Variants in WDR19 observed in about 807,000 individuals in gnomAD.
WDR19 encodes the protein WD repeat domain 19.
Under a neutral mutation model 180.0 loss-of-function variants are expected in WDR19, and 121 were observed. That is an observed-to-expected ratio of 0.67 (90% CI 0.58 to 0.78). The LOEUF (loss-of-function observed/expected upper bound fraction) is 0.78. Among genes scored for constraint, WDR19 ranks in the 30% least tolerant of loss-of-function variants. The pLI is 0.00. For synonymous variants in WDR19, 497 were observed against 540.7 expected (o/e 0.92, Z 1.12); for missense variants, 1,450 against 1,640.7 (o/e 0.88, Z 2.01).
At chr4:39,207,941 A>G (rs893714523) in intron 9 of WDR19, among the ~76,000 whole-genome samples, 10 of 152,166 alleles carry the variant, frequency 6.6e-5, no homozygotes, top group Non-Finnish European at 8.8e-5. Context: ...AAAATGCAAT[A>G]TATAAGACAA....
At position 39,182,603 on chromosome 4, in the gene WDR19, G is replaced by C. The variant is rs372713157; in HGVS notation, c.6+40G>C. ...AATTCCCGGGGTGGGGCGGGAAAAC[G>C]CGACTACTGGCCCTTGGTCGCTTTT... On this transcript the variant is annotated intron_variant, in intron 1 of 36. Transcript: ENST00000399820. 529 of 1,613,374 alleles carry C rather than the reference G, an allele frequency of 3.3e-4. 4 individuals are homozygous for C. The African/African-American group carries it at 6.2e-3, about 19-fold the overall frequency.
intron 23 of WDR19, among the ~76,000 whole-genome samples, chr4:39,245,112 A>AT (rs542146780): frequency 0.01 from 1,431 of 138,420 alleles, 18 homozygotes; most frequent in African/African-American, 0.032. Flanking sequence ...TAATTTTTGT[A>AT]TTTTTTTTTT....
intron 9 of WDR19, among the ~76,000 whole-genome samples, chr4:39,206,612 G>A (rs1309306914): frequency 6.6e-6 from 1 of 152,160 alleles, no homozygotes; most frequent in African/African-American, 2.4e-5. Flanking sequence ...AGGGAGGAAG[G>A]AACTCAGGAA....
intron 2 of WDR19, 82 bp downstream of exon 2, chr4:39,185,899 G>GTTTTT: frequency 1.3e-6 from 1 of 797,292 alleles, no homozygotes; most frequent in Non-Finnish European, 1.7e-6. Flanking sequence ...TTTTTTTGTT[G>GTTTTT]TTGTTTTTTT....
chr4:39,253,864 A>G, intron 25 of WDR19, 42 bp from the exon 26 acceptor site: 1 of 1,497,318 alleles, frequency 6.7e-7, no homozygotes, highest in Non-Finnish European at 9.0e-7. Context: ...TAAATCACAA[A>G]TTTATATTAA....
At chr4:39,183,215 C>A (rs895133466) in intron 1 of WDR19, among the ~76,000 whole-genome samples, 1 of 148,656 alleles carries the variant, frequency 6.7e-6, no homozygotes, top group African/African-American at 2.5e-5. Flanking sequence ...TCAGAGCAGT[C>A]CCCCCTTGCT....
At chr4:39,279,355 G>A (rs1736229421) in intron 36 of WDR19, among the ~76,000 whole-genome samples, 1 of 152,246 alleles carries the variant, frequency 6.6e-6, no homozygotes, top group Non-Finnish European at 1.5e-5. Context: ...CAACCAGTTG[G>A]ACAGGACAGA....
chr4:39,267,931 C>CA (rs1734971698), intron 29 of WDR19, 64 bp from the exon 30 acceptor site: 1 of 1,461,296 alleles, frequency 6.8e-7, no homozygotes, highest in Non-Finnish European at 9.4e-7. Flanking sequence ...AACTGCAATA[C>CA]AAAAATGTAA....
intron 3 of WDR19, among the ~76,000 whole-genome samples, chr4:39,188,970 T>G (rs1725868125): frequency 1.3e-5 from 2 of 152,074 alleles, no homozygotes; most frequent in African/African-American, 4.8e-5. Flanking sequence ...TTGCTCAGGC[T>G]GGAGTGCAGT....
At chr4:39,256,369 A>G (rs1447997392) in intron 27 of WDR19, among the ~76,000 whole-genome samples, 1 of 152,234 alleles carries the variant, frequency 6.6e-6, no homozygotes, top group Non-Finnish European at 1.5e-5. Flanking sequence ...AAGAAGGGAC[A>G]TCATAAGTGA....
intron 1 of WDR19, among the ~76,000 whole-genome samples, chr4:39,185,275 G>A (rs1725395570): frequency 1.3e-5 from 2 of 152,266 alleles, no homozygotes; most frequent in South Asian, 4.1e-4. Context: ...ACTAATAGAA[G>A]AAAATAATGT....
intron 9 of WDR19, among the ~76,000 whole-genome samples, chr4:39,206,934 A>G (rs925146812): frequency 6.6e-6 from 1 of 152,254 alleles, no homozygotes; most frequent in African/African-American, 2.4e-5. Context: ...TAGATTAGAC[A>G]CAATCTCATA....
intron 24 of WDR19, among the ~76,000 whole-genome samples, chr4:39,246,422 A>G (rs1269346064): frequency 1.3e-5 from 2 of 152,216 alleles, no homozygotes; most frequent in African/African-American, 4.8e-5. Flanking sequence ...AGCGCCCAGC[A>G]TGAGCGACGC....
intron 30 of WDR19, 102 bp from the exon 31 acceptor site, chr4:39,269,874 C>G (rs1735171496): frequency 7.1e-7 from 1 of 1,416,934 alleles, no homozygotes; most frequent in African/African-American, 1.4e-5. Flanking sequence ...TAAGAGATTA[C>G]TAATAACAAG....
chr4:39,233,290 G>A (rs1731064353), intron 19 of WDR19, among the ~76,000 whole-genome samples: 2 of 152,152 alleles, frequency 1.3e-5, no homozygotes, highest in Non-Finnish European at 2.9e-5. Flanking sequence ...AGGGAAGAAG[G>A]GAAACCTGGC....
chr4:39,250,688 T>A lies in WDR19; in HGVS notation c.2730-2458T>A, dbSNP rs566106832. On this transcript the variant is annotated intron_variant, in intron 24 of 36. Transcript: ENST00000399820. Reference sequence around the variant, plus strand: ...AGGATACAAAATCAATGTGCCAAAATCACAAGCATTCTTATACACCAATAA... The same window carrying A: ...AGGATACAAAATCAATGTGCCAAAAACACAAGCATTCTTATACACCAATAA... Among the ~76,000 whole-genome samples, 22 of 152,240 alleles carry A rather than the reference T, an allele frequency of 1.4e-4. No homozygotes were observed. The South Asian group carries it at 4.4e-3, about 30-fold the overall frequency.
At chr4:39,232,077 A>G in intron 18 of WDR19, 85 bp from the exon 19 acceptor site, 2 of 1,513,472 alleles carry the variant, frequency 1.3e-6, no homozygotes, top group Non-Finnish European at 9.1e-7. Flanking sequence ...GAACGTTACC[A>G]CTTCCTACTG....
intron 6 of WDR19, among the ~76,000 whole-genome samples, chr4:39,200,587 A>G (rs1727265732): frequency 6.6e-6 from 1 of 152,194 alleles, no homozygotes; most frequent in Non-Finnish European, 1.5e-5. Context: ...TCCTTGCCAC[A>G]TGGATCTCTC....
rs753999931 is a variant in WDR19, at chr4:39,205,150, G to T, written c.604-4G>T. 1.0e-5 allele frequency: 16 copies of T among 1,564,362 alleles called. No homozygotes were observed. Among genetic ancestry groups the T allele is most frequent in the Non-Finnish European group, 1.3e-5 (15 of 1,150,770 alleles). On this transcript the variant is annotated splice_polypyrimidine_tract_variant and splice_region_variant and intron_variant, in intron 7 of 36. Transcript: ENST00000399820. ...TTTCACAATCTCCTAATCTTTTCTG[G>T]CAGATAAGTGTGGTGCTTGGCAAGA... is the stretch of plus-strand genomic sequence containing the variant.
Sources: gnomAD v4.1 joint callset for allele counts (sites outside exome capture counted in the v4.1 genomes callset) on GRCh38, gnomAD v4.1.1 for gene constraint, MANE v1.5 for transcripts, NCBI Gene and HGNC (gene_info 2026-07-23, HGNC 2026-07-21) for gene names.